ICA1: variants seen among roughly 807,000 people sequenced by gnomAD.
The protein encoded by ICA1 is islet cell autoantigen 1, also known as 69 kDa islet cell autoantigen.
A neutral mutation model predicts 71.0 loss-of-function variants in ICA1; 40 were observed. The observed-to-expected ratio is 0.56, with a 90% CI of 0.44 to 0.73. The LOEUF is 0.73. Ranked by LOEUF, ICA1 falls within the 30% of genes least tolerant of loss-of-function variation. ICA1 has a pLI of 0.00. For missense variants in ICA1, 578 were observed against 576.5 expected, an observed-to-expected ratio of 1.00 and a Z score of -0.03; for synonymous variants, 207 against 209.5, an observed-to-expected ratio of 0.99 and a Z score of 0.10.
intron 2 of ICA1, among the ~76,000 whole-genome samples, chr7:8,233,765 T>A (rs914905053): frequency 6.6e-6 from 1 of 152,212 alleles, no homozygotes; most frequent in Non-Finnish European, 1.5e-5. Context: ...TCATGTTAAC[T>A]GTTCTTACCA....
rs1791952729 is a variant in ICA1, at chr7:8,132,775, G to A, written c.1061-4633C>T. Among the ~76,000 whole-genome samples the A allele has an allele frequency of 6.6e-6, 1 of 152,106 alleles. No individual in the cohort carries two copies. Among genetic ancestry groups the A allele is most frequent in the African/African-American group, 2.4e-5 (1 of 41,410 alleles). On this transcript the variant is annotated intron_variant, in intron 12 of 13. Coordinates refer to ENST00000402384, the MANE Select transcript of ICA1 (RefSeq NM_001136020.3). This position sits in a 1 kb window ranked among gnomAD's most constrained non-coding sequence, Gnocchi z 4.5. The stretch of plus-strand genomic sequence containing the variant: ...TATAGAAGATCTTTTCTATTCTTAG[G>A]GTTCCAATGTCACCTCAGAAGGTTC...
At chr7:8,218,155 T>C in intron 6 of ICA1, 150 bp downstream of exon 6, 1 of 666,160 alleles carries the variant, frequency 1.5e-6, no homozygotes. Flanking sequence ...ATCACATTAA[T>C]TGGTATTCTG....
At chr7:8,227,142 G>A (rs1048187694) in intron 4 of ICA1, among the ~76,000 whole-genome samples, 4 of 152,170 alleles carry the variant, frequency 2.6e-5, no homozygotes, top group African/African-American at 9.7e-5. Flanking sequence ...TAGGGGGATG[G>A]TGGGTATAGT....
chr7:8,197,204 T>A (rs1787926137), intron 6 of ICA1, among the ~76,000 whole-genome samples: 1 of 151,200 alleles, frequency 6.6e-6, no homozygotes, highest in Non-Finnish European at 1.5e-5. Flanking sequence ...TGAGAAAAGA[T>A]AATAAAAATT....
In ICA1 at chr7:8,174,844, T is replaced by C. The variant is rs1780073164; in HGVS notation, c.580-16192A>G. Among the ~76,000 whole-genome samples, 5 of 151,180 alleles carry C rather than the reference T, an allele frequency of 3.3e-5. No homozygotes were observed. The South Asian group carries it at 1.0e-3, about 32-fold the overall frequency. On this transcript the variant is annotated intron_variant, in intron 6 of 13. Transcript: ENST00000402384. Reference sequence around the variant, plus strand: ...GCGGGAAACACAAACACGTCCACTCTTGGCAGCATCATTCTACCATTGCGC... The same window carrying C: ...GCGGGAAACACAAACACGTCCACTCCTGGCAGCATCATTCTACCATTGCGC...
At chr7:8,169,180 T>C (rs909491110) in intron 6 of ICA1, among the ~76,000 whole-genome samples, 3 of 152,108 alleles carry the variant, frequency 2.0e-5, no homozygotes, top group Non-Finnish European at 2.9e-5. Context: ...ATAAGTGTTG[T>C]TGCATGTATT....
intron 6 of ICA1, among the ~76,000 whole-genome samples, chr7:8,188,844 G>C (rs938165287): frequency 6.6e-6 from 1 of 152,140 alleles, no homozygotes; most frequent in Non-Finnish European, 1.5e-5. Flanking sequence ...ACTATGGTTT[G>C]GTGGGAGCAT....
In ICA1 at chr7:8,119,334, C is replaced by G. The variant is rs147179392; in HGVS notation, c.1331-5290G>C. Among the ~76,000 whole-genome samples, 511 of 152,246 alleles carry G rather than the reference C, an allele frequency of 3.4e-3. 4 individuals are homozygous for G. The highest frequency in any genetic ancestry group is 0.012 in the African/African-American group (496 of 41,522). On this transcript the variant is annotated intron_variant, in intron 13 of 13. Transcript: ENST00000402384. ...GGAACTCAAACAAGATCATTCTTCC[C>G]ATTTCAAAAACATGCACGACACTCA...
In ICA1 at chr7:8,185,596, C is replaced by A. The variant is rs144898360; in HGVS notation, c.580-26944G>T. On this transcript the variant is annotated intron_variant, in intron 6 of 13. Transcript: ENST00000402384. ...CCAAGCCCTCCAGAAGACCCTGCTG[C>A]ATACTTAATCTTAAGAACCATCTGC... 2.9e-3 allele frequency among the ~76,000 whole-genome samples: 442 copies of A among 152,316 alleles called. 2 individuals are homozygous for A. The highest frequency in any genetic ancestry group is 0.01 in the African/African-American group (425 of 41,554).
At chr7:8,170,968 G>A (rs989417408) in intron 6 of ICA1, among the ~76,000 whole-genome samples, 3 of 151,934 alleles carry the variant, frequency 2.0e-5, no homozygotes, top group African/African-American at 7.2e-5. Context: ...TCCCAGAGCT[G>A]TGTAATCATC....
chr7:8,136,045 A>G (rs992846046), intron 12 of ICA1, among the ~76,000 whole-genome samples: 1 of 152,192 alleles, frequency 6.6e-6, no homozygotes, highest in African/African-American at 2.4e-5. Context: ...AAATGTCACT[A>G]ACTTTTTTAC....
chr7:8,247,056 A>G (rs1806312080), intron 1 of ICA1, among the ~76,000 whole-genome samples: 1 of 151,836 alleles, frequency 6.6e-6, no homozygotes, highest in African/African-American at 2.4e-5. Flanking sequence ...TTTCCTTTTC[A>G]TATATGCTTG....
At chr7:8,221,036 C>A (rs541189079) in intron 5 of ICA1, among the ~76,000 whole-genome samples, 1 of 151,902 alleles carries the variant, frequency 6.6e-6, no homozygotes, top group Admixed American at 6.6e-5. Context: ...AATGCCCCTA[C>A]AGACCAACAG....
rs1797313081 is a variant in ICA1, at chr7:8,222,163, G to A, written c.257-765C>T. ...AACTTCCTAAGGAAGTAGCAAAATG[G>A]GCACAAAGATGTAAATGCAAAAACA... On this transcript the variant is annotated intron_variant, in intron 4 of 13. Transcript: ENST00000402384. The surrounding 1 kb of genome is among the most constrained non-coding windows in gnomAD (Gnocchi z 4.8). Among the ~76,000 whole-genome samples the A allele has an allele frequency of 6.6e-6, 1 of 151,992 alleles. No individual in the cohort carries two copies. Among genetic ancestry groups the A allele is most frequent in the Non-Finnish European group, 1.5e-5 (1 of 67,996 alleles).
At chr7:8,217,540 T>G (rs1218305742) in intron 6 of ICA1, among the ~76,000 whole-genome samples, 1 of 152,182 alleles carries the variant, frequency 6.6e-6, no homozygotes, top group Admixed American at 6.6e-5. Context: ...AGCCTAACAT[T>G]TGGCTGATTC....
At chr7:8,208,460 T>C (rs576354359) in intron 6 of ICA1, among the ~76,000 whole-genome samples, 4 of 152,298 alleles carry the variant, frequency 2.6e-5, no homozygotes, top group East Asian at 1.9e-4. Context: ...ATAAATACTT[T>C]AAACGAGTGT....
intron 1 of ICA1, among the ~76,000 whole-genome samples, chr7:8,243,971 T>C (rs943506345): frequency 2.0e-5 from 3 of 152,160 alleles, no homozygotes; most frequent in Non-Finnish European, 2.9e-5. Context: ...AGAATCAATA[T>C]TGTGAAAATG....
At chr7:8,191,338 A>G (rs1435537983) in intron 6 of ICA1, among the ~76,000 whole-genome samples, 1 of 152,216 alleles carries the variant, frequency 6.6e-6, no homozygotes, top group African/African-American at 2.4e-5. Context: ...TGATTGTTTG[A>G]CTTAGAGTTT....
chr7:8,114,123 G>A (rs1387738998), intron 13 of ICA1, 79 bp from the exon 14 acceptor site: 2 of 1,481,470 alleles, frequency 1.4e-6, no homozygotes, highest in African/African-American at 1.4e-5. Flanking sequence ...GGCAGGTCCA[G>A]GTCATCTTCA....
Sources: gnomAD v4.1 joint callset for allele counts (sites outside exome capture counted in the v4.1 genomes callset) on GRCh38, gnomAD v4.1.1 for gene constraint, Gnocchi (gnomAD v3.1) non-coding constraint, MANE v1.5 for transcripts, NCBI Gene and HGNC (gene_info 2026-07-23, HGNC 2026-07-21) for gene names.